STAG1: variants seen among roughly 807,000 people sequenced by gnomAD.
The protein encoded by STAG1 is cohesin subunit SA-1.
Under a neutral mutation model 170.9 loss-of-function variants are expected in STAG1, and 26 were observed. The ratio of observed to expected loss-of-function variants is 0.15; its 90% confidence interval spans 0.11 to 0.21. STAG1 has a LOEUF of 0.21. Ranked by LOEUF, STAG1 falls within the 10% of genes least tolerant of loss-of-function variation. The pLI, the probability that STAG1 is intolerant of heterozygous loss-of-function variation, is 1.00. For synonymous variants in STAG1, 514 were observed against 497.7 expected, an observed-to-expected ratio of 1.03 and a Z score of -0.44; for missense variants, 964 against 1,509.5, an observed-to-expected ratio of 0.64 and a Z score of 5.99.
At position 136,714,955 on chromosome 3, in the gene STAG1, A is replaced by ATAT. The variant is rs1553770556; in HGVS notation, c.-84+37237_-84+37239dup. 1.8e-4 allele frequency among the ~76,000 whole-genome samples: 12 copies of ATAT among 68,226 alleles called. No individual in the cohort carries two copies. In the East Asian group the frequency reaches 2.4e-3, roughly 14 times the overall value. 44.8% of individuals were successfully genotyped at this position (68,226 alleles called of 152,430 possible). On this transcript the variant is annotated intron_variant, in intron 1 of 33. Coordinates refer to ENST00000383202, the MANE Select transcript of STAG1 (RefSeq NM_005862.3). ...ATATATTAAATATATATATATATATATATATATATTTTATATATATATTTT... is the reference window on the plus strand; with the variant it reads ...ATATATTAAATATATATATATATATATATTATATATATTTTATATATATATTTT...
At chr3:136,585,593 AAATAAT>A (rs562758896) in intron 4 of STAG1, among the ~76,000 whole-genome samples, 40 of 150,778 alleles carry the variant, frequency 2.7e-4, no homozygotes, top group Admixed American at 1.2e-3. Context: ...TGAGACTCAA[AAATAAT>A]AATAATAATA....
intron 16 of STAG1, among the ~76,000 whole-genome samples, chr3:136,430,957 G>T (rs2088286052): frequency 6.6e-6 from 1 of 151,584 alleles, no homozygotes; most frequent in South Asian, 2.1e-4. Flanking sequence ...AGGCTAGAGT[G>T]CAGTGGGGTG....
At chr3:136,505,514 G>T (rs763858543) in intron 7 of STAG1, among the ~76,000 whole-genome samples, 1 of 151,980 alleles carries the variant, frequency 6.6e-6, no homozygotes, top group Non-Finnish European at 1.5e-5. Flanking sequence ...TATTTCCACC[G>T]CATTTTACAA....
chr3:136,719,886 C>T (rs1315518103), intron 1 of STAG1, among the ~76,000 whole-genome samples: 1 of 152,048 alleles, frequency 6.6e-6, no homozygotes, highest in Admixed American at 6.6e-5. Flanking sequence ...TCTTTTAAAA[C>T]TGAAGTGAGT....
chr3:136,516,705 C>G (rs1934396636), intron 7 of STAG1, among the ~76,000 whole-genome samples: 1 of 152,130 alleles, frequency 6.6e-6, no homozygotes, highest in African/African-American at 2.4e-5. Context: ...TTGGCAAATA[C>G]TATTATCCGT....
intron 23 of STAG1, among the ~76,000 whole-genome samples, chr3:136,372,490 A>G (rs1274074484): frequency 6.6e-6 from 1 of 152,176 alleles, no homozygotes; most frequent in Non-Finnish European, 1.5e-5. Flanking sequence ...TGGGTTTGTC[A>G]TAGATAGCTC....
chr3:136,741,724 T>A (rs1934681406), intron 1 of STAG1, among the ~76,000 whole-genome samples: 1 of 152,232 alleles, frequency 6.6e-6, no homozygotes, highest in African/African-American at 2.4e-5. Context: ...TGCCTCGGCC[T>A]CCCAAAGTGC....
At chr3:136,363,505 C>T (rs748469319) in intron 25 of STAG1, 38 bp from the exon 26 acceptor site, 3 of 873,432 alleles carry the variant, frequency 3.4e-6, no homozygotes, top group East Asian at 2.9e-5. Flanking sequence ...TTTAAAATTA[C>T]TGACATTTCA....
At chr3:136,631,319 C>T (rs1940321198) in intron 1 of STAG1, among the ~76,000 whole-genome samples, 1 of 152,208 alleles carries the variant, frequency 6.6e-6, no homozygotes, top group South Asian at 2.1e-4. Context: ...AGGATACATA[C>T]TGCATGATTC....
intron 24 of STAG1, 54 bp downstream of exon 24, chr3:136,369,054 C>T: frequency 7.9e-6 from 11 of 1,384,416 alleles, no homozygotes; most frequent in Non-Finnish European, 1.0e-5. Context: ...TTTCTCCTAT[C>T]TTTTGGGGTT....
At chr3:136,656,617 T>TTATTTGTGTGTGTGTGTGTGTG (rs375214863) in intron 1 of STAG1, among the ~76,000 whole-genome samples, 1 of 143,294 alleles carries the variant, frequency 7.0e-6, no homozygotes, top group African/African-American at 2.7e-5. Context: ...CTGTATTTAT[T>TTATTTGTGTGTGTGTGTGTGTG]TGTGTGTGTG....
chr3:136,733,293 C>T (rs988196771), intron 1 of STAG1, among the ~76,000 whole-genome samples: 8 of 151,684 alleles, frequency 5.3e-5, no homozygotes, highest in African/African-American at 1.9e-4. Context: ...GCTATGTTGC[C>T]CAGGCTGGTC....
intron 5 of STAG1, among the ~76,000 whole-genome samples, chr3:136,565,151 GAAGGGA>G (rs1327124604): frequency 2.7e-5 from 4 of 150,232 alleles, no homozygotes; most frequent in African/African-American, 9.8e-5. Flanking sequence ...AAAGGAAAGA[GAAGGGA>G]AAGGGAAAGG....
chr3:136,513,016 C>T (rs1051486349), intron 7 of STAG1, among the ~76,000 whole-genome samples: 5 of 152,132 alleles, frequency 3.3e-5, no homozygotes, highest in African/African-American at 1.2e-4. Context: ...ATACCATCAA[C>T]GAAAAGGTAT....
At position 136,724,960 on chromosome 3, in the gene STAG1, T is replaced by C. The variant is rs140988434; in HGVS notation, c.-84+27235A>G. On this transcript the variant is annotated intron_variant, in intron 1 of 33. Transcript: ENST00000383202. ...TAAAAAATCATGAATAGGTCTTCTATACCAAAGTATCATTTCTTCTTATTT... is the reference window on the plus strand; with the variant it reads ...TAAAAAATCATGAATAGGTCTTCTACACCAAAGTATCATTTCTTCTTATTT... Among the ~76,000 whole-genome samples the C allele has an allele frequency of 2.0e-3, 299 of 152,306 alleles. 2 individuals carry two copies. The highest frequency in any genetic ancestry group is 6.9e-3 in the African/African-American group (286 of 41,568).
chr3:136,717,885 T>C (rs1317795939), intron 1 of STAG1, among the ~76,000 whole-genome samples: 1 of 152,178 alleles, frequency 6.6e-6, no homozygotes, highest in Non-Finnish European at 1.5e-5. Context: ...TTGGACCTCA[T>C]CCCATGTTCT....
At chr3:136,436,786 A>G (rs1348149725) in intron 15 of STAG1, among the ~76,000 whole-genome samples, 1 of 152,216 alleles carries the variant, frequency 6.6e-6, no homozygotes, top group African/African-American at 2.4e-5. Context: ...GAAAAGGCAA[A>G]AAAGATACAA....
intron 3 of STAG1, among the ~76,000 whole-genome samples, chr3:136,613,661 A>G: frequency 6.6e-6 from 1 of 152,034 alleles, no homozygotes; most frequent in East Asian, 1.9e-4. Context: ...TAATTTTTTT[A>G]TTTTTAGTAG....
chr3:136,515,367 A>C (rs1179947030), intron 7 of STAG1, among the ~76,000 whole-genome samples: 1 of 152,206 alleles, frequency 6.6e-6, no homozygotes, highest in Non-Finnish European at 1.5e-5. Context: ...TCCATCTCAA[A>C]AACAACAACA....
Sources: gnomAD v4.1 joint callset for allele counts (sites outside exome capture counted in the v4.1 genomes callset) on GRCh38, gnomAD v4.1.1 for gene constraint, MANE v1.5 for transcripts, NCBI Gene and HGNC (gene_info 2026-07-23, HGNC 2026-07-21) for gene names.